The following APBB1IP variants were observed in gnomAD, a reference collection of about 807,000 sequenced individuals.
The protein encoded by APBB1IP is amyloid beta A4 precursor protein-binding family B member 1-interacting protein.
Under a neutral mutation model 64.9 loss-of-function variants are expected in APBB1IP, and 27 were observed. The observed-to-expected ratio is 0.42, with a 90% CI of 0.31 to 0.57. The LOEUF is 0.57. Among genes scored for constraint, APBB1IP ranks in the 20% least tolerant of loss-of-function variants. The pLI is 0.20. For synonymous variants in APBB1IP, 392 were observed against 331.0 expected, an observed-to-expected ratio of 1.18 and a Z score of -2.00; for missense variants, 812 against 845.5, an observed-to-expected ratio of 0.96 and a Z score of 0.49.
chr10:26,497,721 ATTTTTTT>A (rs895511347), intron 4 of APBB1IP, among the ~76,000 whole-genome samples: 3,471 of 100,362 alleles, frequency 0.035, 92 homozygotes, highest in East Asian at 0.16. Context: ...TGTCCTCTGG[ATTTTTTT>A]TTTTTTTTTT....
At chr10:26,438,477 C>T (rs1361315569) in intron 1 of APBB1IP, 22 bp downstream of exon 1, 1 of 56,290 alleles carries the variant, frequency 1.8e-5, no homozygotes, top group Non-Finnish European at 3.6e-5. Flanking sequence ...CGCAACGTTT[C>T]CCAGAATTAA....
At chr10:26,546,572 A>G (rs1836767946) in intron 11 of APBB1IP, among the ~76,000 whole-genome samples, 1 of 152,234 alleles carries the variant, frequency 6.6e-6, no homozygotes, top group Non-Finnish European at 1.5e-5. Context: ...TGTTTGAAAT[A>G]TACAATGCAT....
At chr10:26,510,944 G>T (rs1162333308) in intron 6 of APBB1IP, among the ~76,000 whole-genome samples, 1 of 152,112 alleles carries the variant, frequency 6.6e-6, no homozygotes, top group Non-Finnish European at 1.5e-5. Flanking sequence ...GACCTTTAGA[G>T]AATTGTAGAT....
intron 5 of APBB1IP, chr10:26,501,761 A>G (rs1836103385): frequency 6.6e-6 from 1 of 152,522 alleles, no homozygotes; most frequent in African/African-American, 2.4e-5. Flanking sequence ...TTTTAGAGTA[A>G]GCCAAATATT....
chr10:26,558,834 C>A lies in APBB1IP; in HGVS notation c.1156-1271C>A, dbSNP rs76384139. Among the ~76,000 whole-genome samples, 813 of 152,270 alleles carry A rather than the reference C, an allele frequency of 5.3e-3. 10 individuals are homozygous for A. Among genetic ancestry groups the A allele is most frequent in the African/African-American group, 0.019 (791 of 41,548 alleles). On this transcript the variant is annotated intron_variant, in intron 11 of 14. Coordinates refer to ENST00000376236, the MANE Select transcript of APBB1IP (RefSeq NM_019043.4). The stretch of plus-strand genomic sequence containing the variant: ...GAAGCAATGAGGACTAGGAGGAATG[C>A]AAGGAGTTTCTCTTTCACACCTGCC...
At position 26,558,261 on chromosome 10, in the gene APBB1IP, T is replaced by C. The variant is rs74812656; in HGVS notation, c.1156-1844T>C. ...AAAATTTACATGGCCCATATTAATA[T>C]CTCAGAACCTATGTTTGGTTGCCGG... On this transcript the variant is annotated intron_variant, in intron 11 of 14. Coordinates refer to ENST00000376236, the MANE Select transcript of APBB1IP (RefSeq NM_019043.4). Among the ~76,000 whole-genome samples, 978 of 152,288 alleles carry C rather than the reference T, an allele frequency of 6.4e-3. 18 individuals carry two copies. The highest frequency in any genetic ancestry group is 0.056 in the South Asian group (270 of 4,832).
intron 6 of APBB1IP, among the ~76,000 whole-genome samples, chr10:26,503,785 G>C (rs1836136535): frequency 6.6e-6 from 1 of 152,160 alleles, no homozygotes; most frequent in Non-Finnish European, 1.5e-5. Context: ...GATAAATAAG[G>C]GACTTGTGTT....
intron 8 of APBB1IP, among the ~76,000 whole-genome samples, chr10:26,520,837 A>G (rs1836393230): frequency 6.6e-6 from 1 of 152,238 alleles, no homozygotes; most frequent in African/African-American, 2.4e-5. Flanking sequence ...ACCACTTGCC[A>G]CATTGTGAAG....
intron 2 of APBB1IP, among the ~76,000 whole-genome samples, chr10:26,465,894 T>A (rs1835642630): frequency 6.6e-6 from 1 of 152,236 alleles, no homozygotes; most frequent in Non-Finnish European, 1.5e-5. Flanking sequence ...TTAGGATAAT[T>A]TGTTACACTT....
chr10:26,452,923 CTGAGTA>C (rs1414041810), intron 2 of APBB1IP, among the ~76,000 whole-genome samples: 1 of 152,086 alleles, frequency 6.6e-6, no homozygotes, highest in Non-Finnish European at 1.5e-5. Flanking sequence ...ATTTCTGTTT[CTGAGTA>C]TAACTCCTAC....
At chr10:26,492,441 G>A (rs1456105587) in intron 3 of APBB1IP, 43 bp downstream of exon 3, 1 of 1,570,578 alleles carries the variant, frequency 6.4e-7, no homozygotes, top group Non-Finnish European at 8.8e-7. Context: ...AACAAAAATA[G>A]AGTTGCAGAA....
chr10:26,490,911 T>C (rs1835947107), intron 2 of APBB1IP, among the ~76,000 whole-genome samples: 1 of 152,170 alleles, frequency 6.6e-6, no homozygotes, highest in Non-Finnish European at 1.5e-5. Context: ...TACATACTGA[T>C]TCCCTACACC....
chr10:26,506,613 G>A (rs1374612296), intron 6 of APBB1IP, among the ~76,000 whole-genome samples: 2 of 152,166 alleles, frequency 1.3e-5, no homozygotes, highest in Non-Finnish European at 2.9e-5. Flanking sequence ...GGAGGTTGAA[G>A]TGGGAGGATT....
chr10:26,545,789 A>C (rs1322334461), intron 11 of APBB1IP, among the ~76,000 whole-genome samples: 2 of 93,070 alleles, frequency 2.1e-5, no homozygotes, highest in Non-Finnish European at 4.1e-5. Flanking sequence ...AAACAAAAAA[A>C]AACCACAAAA....
chr10:26,448,282 A>G (rs1564347340), intron 2 of APBB1IP, among the ~76,000 whole-genome samples: 1 of 152,138 alleles, frequency 6.6e-6, no homozygotes, highest in Non-Finnish European at 1.5e-5. Context: ...GCCTCAAGTG[A>G]TCTTCCCACT....
At chr10:26,514,184 T>A (rs74401217) in intron 8 of APBB1IP, among the ~76,000 whole-genome samples, 3 of 152,176 alleles carry the variant, frequency 2.0e-5, no homozygotes, top group Non-Finnish European at 4.4e-5. Context: ...AAGAAAAGAA[T>A]CCATTTTGCT....
At chr10:26,531,792 T>G (rs542986491) in intron 8 of APBB1IP, among the ~76,000 whole-genome samples, 1 of 152,296 alleles carries the variant, frequency 6.6e-6, no homozygotes, top group South Asian at 2.1e-4. Context: ...ATTCTCAAAC[T>G]TCAGCATGAC....
intron 8 of APBB1IP, among the ~76,000 whole-genome samples, chr10:26,518,242 CG>C (rs1836357063): frequency 6.9e-6 from 1 of 144,594 alleles, no homozygotes; most frequent in Non-Finnish European, 1.5e-5. Context: ...CATGAGCCAC[CG>C]CGCCCAGCCT....
intron 2 of APBB1IP, among the ~76,000 whole-genome samples, chr10:26,460,842 T>C (rs1835581122): frequency 6.6e-6 from 1 of 152,132 alleles, no homozygotes; most frequent in Non-Finnish European, 1.5e-5. Context: ...AGCTAATGGA[T>C]GCTGGGGTAA....
Sources: gnomAD v4.1 joint callset for allele counts (sites outside exome capture counted in the v4.1 genomes callset) on GRCh38, gnomAD v4.1.1 for gene constraint, MANE v1.5 for transcripts, NCBI Gene and HGNC (gene_info 2026-07-23, HGNC 2026-07-21) for gene names.